GAS7: variants seen among roughly 807,000 people sequenced by gnomAD.
GAS7 encodes growth arrest specific 7.
GAS7 carries 28 observed loss-of-function variants against 71.1 expected under a neutral mutation model. The ratio of observed to expected loss-of-function variants is 0.39; its 90% CI spans 0.29 to 0.54. GAS7 has a LOEUF of 0.54. Ranked by LOEUF, GAS7 falls within the 20% of genes least tolerant of loss-of-function variation. The probability of loss-of-function intolerance (pLI) is 0.62; values close to 1 mark genes in which losing one functional copy is unlikely to be tolerated. For missense variants in GAS7, 436 were observed against 627.8 expected, an observed-to-expected ratio of 0.69 and a Z score of 3.27; for synonymous variants, 258 against 245.8, an observed-to-expected ratio of 1.05 and a Z score of -0.46.
chr17:9,946,880 G>A lies in GAS7; in HGVS notation c.615+14C>T, dbSNP rs756038853. 2 of 1,581,062 alleles carry A rather than the reference G, an allele frequency of 1.3e-6. No individual in the cohort carries two copies. Among genetic ancestry groups the A allele is most frequent in the East Asian group, 4.5e-5 (2 of 44,630 alleles). On this transcript the variant is annotated intron_variant, in intron 6 of 13. Transcript: ENST00000432992. ...CCGGGGTCACGCTGTGGGGGAAACT[G>A]AGGCGCTGCTTACCCAGAAGTAGTC...
chr17:10,111,561 A>C (rs1332590755), intron 1 of GAS7, among the ~76,000 whole-genome samples: 5 of 151,160 alleles, frequency 3.3e-5, no homozygotes, highest in Non-Finnish European at 5.9e-5. Flanking sequence ...ACAAACAAAA[A>C]ACCAGAAATA....
Position 10,171,565 on chromosome 17 carries a change from AG to A in GAS7, c.183+26642del. Among the ~76,000 whole-genome samples, 2 of 152,240 alleles carry A rather than the reference AG, an allele frequency of 1.3e-5. 1 individual carries two copies. The highest frequency in any genetic ancestry group is 4.8e-5 in the African/African-American group (2 of 41,478). On this transcript the variant is annotated intron_variant, in intron 1 of 13. Transcript: ENST00000432992. ...TTGGACTTGAAAATTCTAAGACGCT[AG>A]GGGGAAGAAATCTCGAAAATGAACA...
intron 1 of GAS7, among the ~76,000 whole-genome samples, chr17:10,139,564 G>A (rs1010912958): frequency 2.0e-5 from 3 of 152,140 alleles, no homozygotes; most frequent in Admixed American, 2.0e-4. Context: ...CACACAGCAA[G>A]GAAGTCAGGA....
intron 1 of GAS7, among the ~76,000 whole-genome samples, chr17:10,101,641 C>T (rs574777873): frequency 1.7e-3 from 252 of 152,278 alleles, no homozygotes; most frequent in Admixed American, 3.1e-3. Flanking sequence ...CTGTGACTGT[C>T]GCTCAGCTGG....
intron 1 of GAS7, among the ~76,000 whole-genome samples, chr17:10,065,779 C>G (rs992377064): frequency 6.6e-6 from 1 of 152,184 alleles, no homozygotes; most frequent in African/African-American, 2.4e-5. Flanking sequence ...CCAAGTTGGA[C>G]CATGGATCAG....
intron 1 of GAS7, among the ~76,000 whole-genome samples, chr17:10,040,072 T>A (rs540395493): frequency 5.9e-5 from 9 of 152,342 alleles, no homozygotes; most frequent in Non-Finnish European, 1.0e-4. Context: ...AGCACTCACT[T>A]TGGACCAGGC....
At chr17:9,988,523 T>C (rs76965133) in intron 2 of GAS7, among the ~76,000 whole-genome samples, 1 of 152,184 alleles carries the variant, frequency 6.6e-6, no homozygotes, top group Non-Finnish European at 1.5e-5. Context: ...CTCTGGTTTT[T>C]CAATGCCTTC....
At chr17:10,062,021 A>G (rs1285808805) in intron 1 of GAS7, among the ~76,000 whole-genome samples, 1 of 152,206 alleles carries the variant, frequency 6.6e-6, no homozygotes, top group East Asian at 1.9e-4. Context: ...TGTCAACAGT[A>G]ACATGGCCGA....
intron 1 of GAS7, among the ~76,000 whole-genome samples, chr17:10,143,620 C>A (rs1419812793): frequency 4.6e-5 from 7 of 151,644 alleles, no homozygotes; most frequent in Non-Finnish European, 7.4e-5. Flanking sequence ...ATCCAACATG[C>A]CTGGTGTCCT....
Position 9,948,413 on chromosome 17 carries a change from G to A in GAS7, c.526-1430C>T, listed in dbSNP as rs187958192. ...AATTATAATCTGGGGGGCCGGGCACGGCAGTTCACGCCTGTAATCCCAGCA... is the reference window on the plus strand; with the variant it reads ...AATTATAATCTGGGGGGCCGGGCACAGCAGTTCACGCCTGTAATCCCAGCA... On this transcript the variant is annotated intron_variant, in intron 5 of 13. Transcript: ENST00000432992. Among the ~76,000 whole-genome samples the A allele has an allele frequency of 2.4e-4, 36 of 152,334 alleles. No homozygotes were observed. In the East Asian group the frequency reaches 5.2e-3, roughly 22 times the overall value.
intron 1 of GAS7, among the ~76,000 whole-genome samples, chr17:10,070,431 T>C (rs1463123505): frequency 4.1e-5 from 6 of 148,108 alleles, no homozygotes; most frequent in Admixed American, 2.7e-4. Context: ...TGGCACGATC[T>C]CAGCTCACTA....
chr17:9,947,882 G>C (rs2068855411), intron 5 of GAS7, among the ~76,000 whole-genome samples: 1 of 150,628 alleles, frequency 6.6e-6, no homozygotes, highest in African/African-American at 2.4e-5. Context: ...TTTCAAAAAG[G>C]AAGACAAGAC....
At position 9,974,654 on chromosome 17, in the gene GAS7, T is replaced by C. The variant is rs762438188; in HGVS notation, c.386-4892A>G. ...GCACCCACACACTTCATTTCCCTTA[T>C]AGGCAGTTAAGCAACTTGAGAGGGC... On this transcript the variant is annotated intron_variant, in intron 3 of 13. Coordinates refer to ENST00000432992, the MANE Select transcript of GAS7 (RefSeq NM_201433.2). The surrounding 1 kb of genome is among the most constrained non-coding windows in gnomAD (Gnocchi z 4.0). 2.6e-5 allele frequency among the ~76,000 whole-genome samples: 4 copies of C among 152,124 alleles called. No individual in the cohort carries two copies. The highest frequency in any genetic ancestry group is 5.9e-5 in the Non-Finnish European group (4 of 68,020).
At chr17:10,181,216 T>C (rs189565704) in intron 1 of GAS7, among the ~76,000 whole-genome samples, 90 of 146,280 alleles carry the variant, frequency 6.2e-4, no homozygotes, top group African/African-American at 2.1e-3. Flanking sequence ...AAAAATTAGC[T>C]GGGCGTGGTG....
intron 1 of GAS7, among the ~76,000 whole-genome samples, chr17:10,035,444 G>A (rs1030917428): frequency 3.5e-4 from 54 of 152,202 alleles, no homozygotes; most frequent in African/African-American, 1.3e-3. Context: ...GAGAAGCACT[G>A]CTGTGGACGG....
At chr17:9,930,589 T>C (rs979963087) in intron 9 of GAS7, among the ~76,000 whole-genome samples, 3 of 152,230 alleles carry the variant, frequency 2.0e-5, no homozygotes, top group South Asian at 4.1e-4. Flanking sequence ...TCTTTAGCAA[T>C]CTGTTGCTAT....
At chr17:9,934,581 G>A (rs1212314716) in intron 8 of GAS7, among the ~76,000 whole-genome samples, 2 of 152,116 alleles carry the variant, frequency 1.3e-5, no homozygotes, top group East Asian at 1.9e-4. Context: ...ACATTCCAAA[G>A]CCTCAGCTGC....
At chr17:10,132,423 G>A (rs1437436657) in intron 1 of GAS7, among the ~76,000 whole-genome samples, 10 of 152,140 alleles carry the variant, frequency 6.6e-5, no homozygotes, top group South Asian at 4.1e-4. Flanking sequence ...GCCTGACTCC[G>A]TCTCCATGTG....
intron 1 of GAS7, among the ~76,000 whole-genome samples, chr17:10,089,360 T>C (rs572574062): frequency 1.3e-5 from 2 of 152,264 alleles, no homozygotes; most frequent in African/African-American, 2.4e-5. Context: ...AAATCTGGCA[T>C]GGAGCTTTGC....
Sources: gnomAD v4.1 joint callset for allele counts (sites outside exome capture counted in the v4.1 genomes callset) on GRCh38, gnomAD v4.1.1 for gene constraint, Gnocchi (gnomAD v3.1) non-coding constraint, MANE v1.5 for transcripts, NCBI Gene and HGNC (gene_info 2026-07-23, HGNC 2026-07-21) for gene names.